Variants in ASIP observed in about 807,000 individuals in gnomAD.
The protein encoded by ASIP is agouti-signaling protein.
Under a neutral mutation model 10.3 loss-of-function variants are expected in ASIP, and 11 were observed. The observed-to-expected ratio is 1.07, with a 90% CI of 0.68 to 1.78. The LOEUF is 1.78. ASIP is among the 40% of genes most tolerant of loss of function. The pLI is 0.00. For missense variants in ASIP, 180 were observed against 169.2 expected, an observed-to-expected ratio of 1.06 and a Z score of -0.35; for synonymous variants, 70 against 70.8, an observed-to-expected ratio of 0.99 and a Z score of 0.06.
At chr20:34,262,657 G>A (rs1442586682) in intron 2 of ASIP, among the ~76,000 whole-genome samples, 175 bp from the exon 3 acceptor site, 1 of 152,172 alleles carries the variant, frequency 6.6e-6, no homozygotes. Flanking sequence ...CTCCAGGTCA[G>A]TAGCCGGGCT....
intron 1 of ASIP, among the ~76,000 whole-genome samples, chr20:34,221,320 G>A (rs896691691): frequency 6.6e-6 from 1 of 152,006 alleles, no homozygotes; most frequent in Non-Finnish European, 1.5e-5. Context: ...GGAGCTTAAG[G>A]TGAGCCGAGA....
intron 2 of ASIP, among the ~76,000 whole-genome samples, chr20:34,262,380 C>T (rs1371832603): frequency 6.6e-6 from 1 of 152,214 alleles, no homozygotes; most frequent in African/African-American, 2.4e-5. Flanking sequence ...AAATCAGGTC[C>T]TCCTGGCTCC....
At chr20:34,244,938 A>G (rs1205341628) in intron 1 of ASIP, among the ~76,000 whole-genome samples, 1 of 152,198 alleles carries the variant, frequency 6.6e-6, no homozygotes, top group Non-Finnish European at 1.5e-5. Flanking sequence ...AGGAAGCCAA[A>G]TTCAAATTAT....
At chr20:34,216,028 C>G (rs1601575029) in intron 1 of ASIP, 1 of 653,964 alleles carries the variant, frequency 1.5e-6, no homozygotes, top group East Asian at 2.8e-5. Context: ...CGGAACGGAG[C>G]CGAGCGGCGC....
At chr20:34,238,496 T>C (rs1455451989), upstream of ASIP, among the ~76,000 whole-genome samples, 3 of 152,210 alleles carry the variant, frequency 2.0e-5, no homozygotes, top group African/African-American at 7.2e-5. Context: ...CAAAAAGTTC[T>C]TGTACTTTCT....
At chr20:34,219,814 G>C (rs1187798099) in intron 1 of ASIP, among the ~76,000 whole-genome samples, 1 of 152,248 alleles carries the variant, frequency 6.6e-6, no homozygotes, top group Non-Finnish European at 1.5e-5. Flanking sequence ...CATGTGCTGG[G>C]AGCGGTGGCT....
chr20:34,247,787 A>C (rs1031362344), intron 1 of ASIP, among the ~76,000 whole-genome samples: 1 of 151,900 alleles, frequency 6.6e-6, no homozygotes, highest in Non-Finnish European at 1.5e-5. Context: ...TGTGGAGATG[A>C]GGTCTTGCCG....
chr20:34,257,089 T>G (rs2122648955), intron 1 of ASIP, among the ~76,000 whole-genome samples: 1 of 151,658 alleles, frequency 6.6e-6, no homozygotes, highest in South Asian at 2.1e-4. Flanking sequence ...TTTTGTTTTT[T>G]GTTTTTTGTT....
intron 1 of ASIP, among the ~76,000 whole-genome samples, chr20:34,206,907 TG>T (rs1439176337): frequency 3.9e-5 from 6 of 152,232 alleles, no homozygotes; most frequent in African/African-American, 1.4e-4. Context: ...CATTTGTTGA[TG>T]GACAGTTAGG....
At chr20:34,223,160 C>T (rs1381142914) in intron 1 of ASIP, among the ~76,000 whole-genome samples, 4 of 151,682 alleles carry the variant, frequency 2.6e-5, no homozygotes, top group African/African-American at 4.9e-5. Context: ...TCCTCCTGGC[C>T]GCCATCCCAT....
intron 1 of ASIP, among the ~76,000 whole-genome samples, chr20:34,232,651 G>A (rs2035129637): frequency 2.6e-5 from 4 of 152,142 alleles, no homozygotes; most frequent in African/African-American, 9.7e-5. Flanking sequence ...GCATAACCAA[G>A]GCCACTCAGG....
chr20:34,218,222 A>G (rs903985362), intron 1 of ASIP, among the ~76,000 whole-genome samples: 1 of 152,152 alleles, frequency 6.6e-6, no homozygotes, highest in African/African-American at 2.4e-5. Context: ...GATTTTGGAG[A>G]CAATTGGGAA....
At position 34,208,073 on chromosome 20, in the gene ASIP, G is replaced by A. The variant is rs150341252; in HGVS notation, c.-11+13313G>A. ...ATTACAGGTGTGAGCCACCACACCC[G>A]GCCTCCAGCACCATTTATTAAAGAG... is the stretch of plus-strand genomic sequence containing the variant. On this transcript the variant is annotated intron_variant, in intron 1 of 3. Transcript: ENST00000568305. Among the ~76,000 whole-genome samples, 340 of 152,056 alleles carry A rather than the reference G, an allele frequency of 2.2e-3. 3 individuals carry two copies. Among genetic ancestry groups the A allele is most frequent in the African/African-American group, 7.8e-3 (322 of 41,480 alleles).
chr20:34,220,761 G>A (rs1457106996), intron 1 of ASIP, among the ~76,000 whole-genome samples: 1 of 152,018 alleles, frequency 6.6e-6, no homozygotes, highest in Non-Finnish European at 1.5e-5. Flanking sequence ...GACAATATAC[G>A]TGTTCTGAAC....
At chr20:34,267,923 T>C (rs2035816765) in intron 3 of ASIP, among the ~76,000 whole-genome samples, 1 of 149,526 alleles carries the variant, frequency 6.7e-6, no homozygotes, top group South Asian at 2.1e-4. Flanking sequence ...AATATGTGAT[T>C]AATTTAAAAA....
Position 34,269,226 on chromosome 20 carries a change from G to A in ASIP, c.*59G>A, listed in dbSNP as rs1042552097. ...TTCGGGGACGCGGGGCGCTTCTCGG[G>A]CGGGTGATCCCTAACAGGGCGGCTT... On this transcript the variant is annotated 3_prime_UTR_variant, in exon 4 of 4. Coordinates refer to ENST00000374954, the MANE Select transcript of ASIP (RefSeq NM_001672.3). 7.0e-7 allele frequency: 1 copy of A among 1,435,024 alleles called. No individual in the cohort carries two copies. Among genetic ancestry groups the A allele is most frequent in the Non-Finnish European group, 9.1e-7 (1 of 1,098,656 alleles). 88.9% of individuals were successfully genotyped at this position (1,435,024 alleles called of 1,614,324 possible).
upstream of ASIP, among the ~76,000 whole-genome samples, chr20:34,238,108 A>G (rs1304256390): frequency 1.3e-5 from 2 of 152,054 alleles, no homozygotes; most frequent in Admixed American, 1.3e-4. Flanking sequence ...GTTTGATTAT[A>G]CCGTATCTTT....
intron 1 of ASIP, among the ~76,000 whole-genome samples, chr20:34,256,195 T>G (rs1166890373): frequency 6.6e-6 from 1 of 152,232 alleles, no homozygotes; most frequent in African/African-American, 2.4e-5. Context: ...TCCTGTCTGG[T>G]GGACACGTGA....
At chr20:34,239,040 A>G (rs1481894122), upstream of ASIP, among the ~76,000 whole-genome samples, 2 of 152,154 alleles carry the variant, frequency 1.3e-5, no homozygotes, top group East Asian at 3.9e-4. Flanking sequence ...TTTCCTGGCT[A>G]ATTATTTCTA....
Sources: gnomAD v4.1 joint callset for allele counts (sites outside exome capture counted in the v4.1 genomes callset) on GRCh38, gnomAD v4.1.1 for gene constraint, MANE v1.5 for transcripts, NCBI Gene and HGNC (gene_info 2026-07-23, HGNC 2026-07-21) for gene names.